GLCCI1: variants seen among roughly 807,000 people sequenced by gnomAD.
GLCCI1 encodes glucocorticoid-induced transcript 1 protein.
GLCCI1 carries 24 observed loss-of-function variants against 52.2 expected under a neutral mutation model. The observed-to-expected ratio is 0.46, with a 90% CI of 0.33 to 0.65. The LOEUF (loss-of-function observed/expected upper bound fraction) is 0.65. Among genes scored for constraint, GLCCI1 ranks in the 30% least tolerant of loss-of-function variants. GLCCI1 has a pLI of 0.02. For synonymous variants in GLCCI1, 310 were observed against 276.5 expected (o/e 1.12, Z -1.20); for missense variants, 704 against 701.5 (o/e 1.00, Z -0.04).
At chr7:7,971,607 T>TTGTATA (rs1378340720) in intron 1 of GLCCI1, among the ~76,000 whole-genome samples, 1 of 152,186 alleles carries the variant, frequency 6.6e-6, no homozygotes, top group African/African-American at 2.4e-5. Context: ...TCCTCCCCTT[T>TTGTATA]TGTATATAAA....
chr7:8,012,429 A>ATTTTT (rs1781282584), intron 2 of GLCCI1, among the ~76,000 whole-genome samples: 5 of 58,844 alleles, frequency 8.5e-5, no homozygotes, highest in Non-Finnish European at 1.8e-4. Flanking sequence ...TTGCCTTTTT[A>ATTTTT]TTCTTTTTTT....
chr7:8,011,476 C>G (rs1781260387), intron 2 of GLCCI1, among the ~76,000 whole-genome samples: 1 of 152,108 alleles, frequency 6.6e-6, no homozygotes, highest in Admixed American at 6.5e-5. Flanking sequence ...GTCAAAATTT[C>G]CTTCCTTTTT....
At chr7:8,049,049 G>C (rs1448789246) in intron 3 of GLCCI1, among the ~76,000 whole-genome samples, 1 of 152,028 alleles carries the variant, frequency 6.6e-6, no homozygotes, top group Non-Finnish European at 1.5e-5. Context: ...TATTCTTTAA[G>C]GCACTCAGTG....
chr7:8,084,889 AT>A lies in GLCCI1; in HGVS notation c.1178-5del. On this transcript the variant is annotated splice_polypyrimidine_tract_variant and splice_region_variant and intron_variant, in intron 6 of 7. Transcript: ENST00000223145. ...TCACTAGTTAATATAACTGCTTTAA[AT>A]TTACAGACAGTGGGAGTAGCTCACC... 4 of 1,611,376 alleles carry A rather than the reference AT, an allele frequency of 2.5e-6. No homozygotes were observed. Among genetic ancestry groups the A allele is most frequent in the Non-Finnish European group, 3.4e-6 (4 of 1,179,348 alleles).
chr7:8,037,398 C>T (rs1486507746), intron 3 of GLCCI1, among the ~76,000 whole-genome samples: 1 of 152,112 alleles, frequency 6.6e-6, no homozygotes, highest in Non-Finnish European at 1.5e-5. Context: ...CAAGGGATTT[C>T]TAAACATGGA....
At chr7:8,021,025 C>G (rs1024283800) in intron 2 of GLCCI1, among the ~76,000 whole-genome samples, 1 of 152,134 alleles carries the variant, frequency 6.6e-6, no homozygotes, top group South Asian at 2.1e-4. Flanking sequence ...AAGTATTTTA[C>G]TCTGTCAATT....
chr7:8,087,625 C>T lies in GLCCI1; in HGVS notation c.*1087C>T, dbSNP rs1455162536. On this transcript the variant is annotated 3_prime_UTR_variant, in exon 8 of 8. Coordinates refer to ENST00000223145, the MANE Select transcript of GLCCI1 (RefSeq NM_138426.4). ...TCTCCCTTGGAAATTCTTTATTTTG[C>T]AGGTGAAAAAGTGACATACTTTTTG... is the stretch of plus-strand genomic sequence containing the variant. 1 of 152,392 alleles carries T rather than the reference C, an allele frequency of 6.6e-6. No individual in the cohort carries two copies. The highest frequency in any genetic ancestry group is 2.4e-5 in the African/African-American group (1 of 41,386). The allele number at this position is 152,392 out of a possible 1,614,324, so 9.4% of individuals were successfully genotyped here. A position where few individuals can be genotyped will look rare whatever the true frequency, so the allele number is the denominator to read the frequency against.
chr7:8,016,279 C>CT (rs1381337990), intron 2 of GLCCI1, among the ~76,000 whole-genome samples: 1 of 152,134 alleles, frequency 6.6e-6, no homozygotes, highest in African/African-American at 2.4e-5. Flanking sequence ...ATCATCCTGG[C>CT]TAACATGGTG....
At chr7:7,996,027 T>C (rs1351290006) in intron 1 of GLCCI1, among the ~76,000 whole-genome samples, 2 of 152,214 alleles carry the variant, frequency 1.3e-5, no homozygotes, top group East Asian at 3.8e-4. Context: ...TGAGATGTAA[T>C]AGTGAGCCTG....
chr7:8,031,735 A>G (rs1781755479), intron 3 of GLCCI1, among the ~76,000 whole-genome samples: 1 of 151,822 alleles, frequency 6.6e-6, no homozygotes, highest in African/African-American at 2.4e-5. Context: ...AAAAACAAAC[A>G]GACTGAAAGC....
intron 5 of GLCCI1, 93 bp from the exon 6 acceptor site, chr7:8,070,828 G>A (rs1354562781): frequency 8.9e-7 from 1 of 1,125,716 alleles, no homozygotes; most frequent in Admixed American, 2.0e-5. Flanking sequence ...GTCAGTAGTG[G>A]TGGAATATGA....
chr7:7,986,156 A>G (rs1275733840), intron 1 of GLCCI1, among the ~76,000 whole-genome samples: 1 of 152,180 alleles, frequency 6.6e-6, no homozygotes, highest in Non-Finnish European at 1.5e-5. Context: ...CTTTTTCACA[A>G]AATAGAATAT....
At chr7:8,018,736 G>A (rs537066559) in intron 2 of GLCCI1, among the ~76,000 whole-genome samples, 1 of 152,116 alleles carries the variant, frequency 6.6e-6, no homozygotes, top group East Asian at 1.9e-4. Context: ...CTTACAGATA[G>A]GTTTTAGTTC....
chr7:7,986,456 C>T (rs1327390793), intron 1 of GLCCI1, among the ~76,000 whole-genome samples: 3 of 150,120 alleles, frequency 2.0e-5, no homozygotes, highest in Non-Finnish European at 3.0e-5. Flanking sequence ...ACCTGCTAGG[C>T]GGCGCTTGCA....
intron 5 of GLCCI1, among the ~76,000 whole-genome samples, chr7:8,063,707 CCCTCAGGCCCAAATGATCCTTCCA>C (rs146400857): frequency 0.13 from 19,014 of 147,908 alleles, 1,348 homozygotes; most frequent in Admixed American, 0.19. Flanking sequence ...TGGCCTCAAT[CCCTCAGGCCCAAATGATCCTTCCA>C]CCTCAGCCTC....
At chr7:7,976,585 G>T (rs1277552425) in intron 1 of GLCCI1, among the ~76,000 whole-genome samples, 3 of 151,052 alleles carry the variant, frequency 2.0e-5, no homozygotes, top group Admixed American at 6.6e-5. Flanking sequence ...GGCAAGGTCA[G>T]TGTCCAAAAT....
At chr7:7,989,193 T>C (rs1780793492) in intron 1 of GLCCI1, among the ~76,000 whole-genome samples, 1 of 152,198 alleles carries the variant, frequency 6.6e-6, no homozygotes, top group African/African-American at 2.4e-5. Flanking sequence ...TTGTAGCGGC[T>C]AGCATTACCA....
chr7:7,976,984 G>A (rs1470904065), intron 1 of GLCCI1, among the ~76,000 whole-genome samples: 5 of 151,682 alleles, frequency 3.3e-5, no homozygotes, highest in African/African-American at 1.2e-4. Flanking sequence ...ATGAAAAGGT[G>A]AAAACTGCTA....
chr7:8,039,207 A>G (rs1423958574), intron 3 of GLCCI1, among the ~76,000 whole-genome samples: 1 of 152,226 alleles, frequency 6.6e-6, no homozygotes, highest in Non-Finnish European at 1.5e-5. Flanking sequence ...TCACAGAACT[A>G]AAAATAGAAC....
Sources: gnomAD v4.1 joint callset for allele counts (sites outside exome capture counted in the v4.1 genomes callset) on GRCh38, gnomAD v4.1.1 for gene constraint, MANE v1.5 for transcripts, NCBI Gene and HGNC (gene_info 2026-07-23, HGNC 2026-07-21) for gene names.